STK24: variants seen among roughly 807,000 people sequenced by gnomAD.
STK24 encodes the protein serine/threonine kinase 24.
Under a neutral mutation model 55.6 loss-of-function variants are expected in STK24, and 21 were observed. That is an observed-to-expected ratio of 0.38 (90% CI 0.27 to 0.54). The LOEUF (loss-of-function observed/expected upper bound fraction) is 0.54. Ranked by LOEUF, STK24 falls within the 20% of genes least tolerant of loss-of-function variation. The pLI is 0.79. For synonymous variants in STK24, 200 were observed against 215.2 expected (o/e 0.93, Z 0.62); for missense variants, 383 against 538.4 (o/e 0.71, Z 2.86).
intron 2 of STK24, among the ~76,000 whole-genome samples, chr13:98,490,207 T>C (rs753760303): frequency 2.6e-5 from 4 of 152,232 alleles, no homozygotes; most frequent in Non-Finnish European, 2.9e-5. Flanking sequence ...CTTCCTTTGC[T>C]GGCTCCTGTG....
intron 2 of STK24, among the ~76,000 whole-genome samples, chr13:98,503,827 G>A (rs1895583730): frequency 1.3e-5 from 2 of 152,200 alleles, no homozygotes; most frequent in South Asian, 4.1e-4. Flanking sequence ...GAAATGTTCA[G>A]AGATGTGACT....
intron 1 of STK24, among the ~76,000 whole-genome samples, chr13:98,521,433 C>G (rs1412210237): frequency 2.6e-5 from 4 of 152,202 alleles, no homozygotes; most frequent in African/African-American, 4.8e-5. Flanking sequence ...CAATGACCCA[C>G]AATCAAAGCC....
intron 6 of STK24, 23 bp from the exon 7 acceptor site, chr13:98,463,859 T>TA: frequency 6.2e-7 from 1 of 1,608,844 alleles, no homozygotes; most frequent in Non-Finnish European, 8.5e-7. Context: ...ACCCAACAAT[T>TA]AAAGTATGAG....
chr13:98,568,771 G>A (rs751103185), intron 1 of STK24, among the ~76,000 whole-genome samples: 25 of 152,180 alleles, frequency 1.6e-4, no homozygotes, highest in Non-Finnish European at 1.2e-4. Flanking sequence ...GGGAGGCTGA[G>A]GCAGGAGAAT....
chr13:98,518,671 T>C (rs1896153862), intron 2 of STK24, among the ~76,000 whole-genome samples: 1 of 152,244 alleles, frequency 6.6e-6, no homozygotes, highest in South Asian at 2.1e-4. Context: ...TTAATACTAT[T>C]CTTTCCCACT....
At chr13:98,500,639 G>A (rs1395191612) in intron 2 of STK24, among the ~76,000 whole-genome samples, 3 of 30,680 alleles carry the variant, frequency 9.8e-5, no homozygotes, top group Non-Finnish European at 1.4e-4. Flanking sequence ...CACCACTCCC[G>A]TGACCATCGG....
At chr13:98,511,425 A>T (rs552491574) in intron 2 of STK24, among the ~76,000 whole-genome samples, 45 of 152,378 alleles carry the variant, frequency 3.0e-4, no homozygotes, top group Admixed American at 2.7e-3. Flanking sequence ...TTAAATAGAA[A>T]TTAAATACCT....
At chr13:98,508,243 A>G (rs1895763189) in intron 2 of STK24, among the ~76,000 whole-genome samples, 1 of 152,234 alleles carries the variant, frequency 6.6e-6, no homozygotes, top group Non-Finnish European at 1.5e-5. Flanking sequence ...CAGAAATCAT[A>G]TAAGGTGAAA....
At chr13:98,493,236 G>A (rs75486942) in intron 2 of STK24, among the ~76,000 whole-genome samples, 2,885 of 152,308 alleles carry the variant, frequency 0.019, 90 homozygotes, top group African/African-American at 0.064. Flanking sequence ...GTGTGTGCGT[G>A]TGCTCGCGTC....
At chr13:98,501,499 G>GC (rs969697883) in intron 2 of STK24, among the ~76,000 whole-genome samples, 21 of 152,110 alleles carry the variant, frequency 1.4e-4, no homozygotes, top group South Asian at 8.3e-4. Context: ...TATTTCCCCA[G>GC]CCCCCCCAGT....
In STK24 at chr13:98,517,766, C is replaced by A. The variant is rs528334509; in HGVS notation, c.273+1477G>T. ...AACATTTGCTCTTCTTGTTGGCATT[C>A]TTCCTCCATTCTTTAACCCTGGTTT... On this transcript the variant is annotated intron_variant, in intron 2 of 10. Coordinates refer to ENST00000539966, the MANE Select transcript of STK24 (RefSeq NM_001032296.4). 7.2e-5 allele frequency among the ~76,000 whole-genome samples: 11 copies of A among 152,298 alleles called. No individual in the cohort carries two copies. In the South Asian group the frequency reaches 2.3e-3, roughly 32 times the overall value.
intron 2 of STK24, among the ~76,000 whole-genome samples, chr13:98,483,161 T>C (rs565189282): frequency 3.8e-4 from 58 of 152,200 alleles, no homozygotes; most frequent in Non-Finnish European, 7.3e-4. Flanking sequence ...CGGGGCAGCC[T>C]GGGCAGGGTC....
At position 98,445,950 on chromosome 13, in the gene STK24, C is replaced by T. The variant is rs1389214266; in HGVS notation, c.*7223G>A. On this transcript the variant is annotated 3_prime_UTR_variant, in exon 11 of 11. Transcript: ENST00000539966. ...CAGGGTCCCAGGACCTGCCAAGTCT[C>T]CCCACACACGGGGGAGCGGGGGTGG... The T allele has an allele frequency of 2.5e-5, 15 of 597,332 alleles. No individual in the cohort carries two copies. The highest frequency in any genetic ancestry group is 4.2e-5 in the Non-Finnish European group (14 of 332,080). The allele number at this position is 597,332 out of a possible 1,614,324, so 37.0% of individuals were successfully genotyped here.
chr13:98,517,924 T>C (rs1205958458), intron 2 of STK24, among the ~76,000 whole-genome samples: 3 of 152,260 alleles, frequency 2.0e-5, no homozygotes, highest in Non-Finnish European at 4.4e-5. Flanking sequence ...ACCTACTACA[T>C]GTCAAGTACT....
chr13:98,564,126 C>A (rs1372872881), intron 1 of STK24, among the ~76,000 whole-genome samples: 1 of 152,158 alleles, frequency 6.6e-6, no homozygotes. Flanking sequence ...GCCAACATCC[C>A]AAACATTGAA....
chr13:98,527,697 A>G (rs1896471431), intron 1 of STK24, among the ~76,000 whole-genome samples: 1 of 152,166 alleles, frequency 6.6e-6, no homozygotes. Flanking sequence ...GATGCAGAGG[A>G]CACGGGACCA....
Position 98,448,809 on chromosome 13 carries a change from T to G in STK24, c.*4364A>C, listed in dbSNP as rs371978287. The G allele has an allele frequency of 7.6e-6, 1 of 131,860 alleles. No individual in the cohort carries two copies. The highest frequency in any genetic ancestry group is 1.7e-5 in the Non-Finnish European group (1 of 57,158). The allele number at this position is 131,860 out of a possible 1,614,324, so 8.2% of individuals were successfully genotyped here. A position where few individuals can be genotyped will look rare whatever the true frequency, so the allele number is the denominator to read the frequency against. Reference sequence around the variant, plus strand: ...TGAGATCATTTTCAGATTTCATTTTTTTTTTCAGTCTTTCTACTTTTGTAA... The same window carrying G: ...TGAGATCATTTTCAGATTTCATTTTGTTTTTCAGTCTTTCTACTTTTGTAA... On this transcript the variant is annotated 3_prime_UTR_variant, in exon 11 of 11. Coordinates refer to ENST00000539966, the MANE Select transcript of STK24 (RefSeq NM_001032296.4).
chr13:98,488,160 GACACACACACACACAC>G (rs71213678), intron 2 of STK24, among the ~76,000 whole-genome samples: 1,727 of 130,398 alleles, frequency 0.013, 34 homozygotes, highest in African/African-American at 0.04. Context: ...AAGAGATGAA[GACACACACACACACAC>G]ACACACACAC....
chr13:98,559,748 T>C (rs572323646), intron 1 of STK24, among the ~76,000 whole-genome samples: 1 of 151,504 alleles, frequency 6.6e-6, no homozygotes, highest in Admixed American at 6.6e-5. Context: ...CAACCAATCA[T>C]ACCAAAACAA....
Sources: gnomAD v4.1 joint callset for allele counts (sites outside exome capture counted in the v4.1 genomes callset) on GRCh38, gnomAD v4.1.1 for gene constraint, MANE v1.5 for transcripts, NCBI Gene and HGNC (gene_info 2026-07-23, HGNC 2026-07-21) for gene names.